The following MAK variants were observed in gnomAD, a reference collection of about 807,000 sequenced individuals.
MAK encodes serine/threonine-protein kinase MAK.
In MAK, 65 loss-of-function variants were observed where a neutral mutation model predicts 82.6. The ratio of observed to expected loss-of-function variants is 0.79; its 90% CI spans 0.64 to 0.97. The LOEUF is 0.97. Ranked by LOEUF, MAK falls within the 50% of genes least tolerant of loss-of-function variation. MAK has a pLI of 0.00. For missense variants in MAK, 703 were observed against 780.2 expected (o/e 0.90, Z 1.18); for synonymous variants, 250 against 274.2 (o/e 0.91, Z 0.87).
intron 10 of MAK, chr6:10,784,968 G>T (rs1271197376): frequency 2.2e-6 from 1 of 458,708 alleles, no homozygotes; most frequent in Middle Eastern, 3.2e-4. Context: ...GGCATGGTTT[G>T]GATGGCCTAA....
intron 2 of MAK, among the ~76,000 whole-genome samples, chr6:10,828,773 C>T (rs536702749): frequency 6.6e-6 from 1 of 151,662 alleles, no homozygotes; most frequent in Non-Finnish European, 1.5e-5. Flanking sequence ...TCAGCCTGGG[C>T]GACAGAATGG....
chr6:10,795,587 A>AC (rs1775471633), intron 9 of MAK, among the ~76,000 whole-genome samples: 1 of 152,056 alleles, frequency 6.6e-6, no homozygotes, highest in Non-Finnish European at 1.5e-5. Context: ...TACTAAAAAT[A>AC]CAAAAAAATA....
rs1431437539 is a variant in MAK, at chr6:10,803,708, A to G, written c.663+12T>C. ...TCAAAAGTTATAGCAACTTAGGGAC[A>G]AGAGTACTTACTTTTTTGGGAGTCC... is the stretch of plus-strand genomic sequence containing the variant. On this transcript the variant is annotated intron_variant, in intron 7 of 14. Transcript: ENST00000354489. The G allele has an allele frequency of 6.2e-7, 1 of 1,609,206 alleles. No individual in the cohort carries two copies. Among genetic ancestry groups the G allele is most frequent in the Non-Finnish European group, 8.5e-7 (1 of 1,175,470 alleles).
At chr6:10,789,704 C>G (rs1417417337) in intron 10 of MAK, among the ~76,000 whole-genome samples, 3 of 152,216 alleles carry the variant, frequency 2.0e-5, no homozygotes, top group Non-Finnish European at 4.4e-5. Flanking sequence ...CTCACTCAGG[C>G]TGGAGTGCAG....
chr6:10,766,115 G>A (rs1163504543), intron 14 of MAK, among the ~76,000 whole-genome samples: 1 of 152,140 alleles, frequency 6.6e-6, no homozygotes, highest in Admixed American at 6.5e-5. Flanking sequence ...TTTTCCATCT[G>A]GGGTTTAAAT....
At chr6:10,820,800 C>CT (rs1180402981) in intron 2 of MAK, among the ~76,000 whole-genome samples, 1 of 152,056 alleles carries the variant, frequency 6.6e-6, no homozygotes, top group Admixed American at 6.6e-5. Flanking sequence ...TATAAAATGT[C>CT]TTGCTAAAAT....
intron 5 of MAK, among the ~76,000 whole-genome samples, chr6:10,811,072 C>T (rs1392931214): frequency 2.0e-5 from 3 of 152,204 alleles, no homozygotes; most frequent in Non-Finnish European, 4.4e-5. Flanking sequence ...GATCTCAGCT[C>T]ACTGTAATCT....
chr6:10,781,794 T>G (rs1773992135), intron 11 of MAK, among the ~76,000 whole-genome samples: 1 of 152,164 alleles, frequency 6.6e-6, no homozygotes, highest in South Asian at 2.1e-4. Context: ...TGTATACATT[T>G]TTTCATCTGT....
intron 5 of MAK, among the ~76,000 whole-genome samples, chr6:10,813,013 C>T (rs547636612): frequency 3.3e-4 from 46 of 138,326 alleles, no homozygotes; most frequent in South Asian, 2.9e-3. Context: ...GATCCCCCCC[C>T]CCGCCTCGGC....
chr6:10,809,007 T>C (rs1776716573), intron 5 of MAK, 65 bp from the exon 6 acceptor site: 1 of 1,379,364 alleles, frequency 7.2e-7, no homozygotes, highest in Non-Finnish European at 1.0e-6. Context: ...CTTTATTTGA[T>C]TTATAAACAA....
intron 8 of MAK, among the ~76,000 whole-genome samples, chr6:10,796,899 G>T (rs147261199): frequency 4.2e-4 from 64 of 151,476 alleles, no homozygotes; most frequent in Non-Finnish European, 7.5e-4. Context: ...TTTATTTAAA[G>T]ATTTGTTAGT....
At chr6:10,770,700 C>T (rs1381916066) in intron 13 of MAK, among the ~76,000 whole-genome samples, 1 of 152,162 alleles carries the variant, frequency 6.6e-6, no homozygotes, top group Non-Finnish European at 1.5e-5. Flanking sequence ...CTTCAGAGCA[C>T]GTGGCATAGA....
chr6:10,796,260 G>C lies in MAK; in HGVS notation c.881C>G (p.Ser294Ter), dbSNP rs761959677. 6.2e-7 allele frequency: 1 copy of C among 1,614,114 alleles called. No homozygotes were observed. The highest frequency in any genetic ancestry group is 1.1e-5 in the South Asian group (1 of 91,074). Residue 294 changes from serine to a stop codon, truncating the protein, a stop_gained, in exon 9 of 15, where the codon TCA becomes TGA. Transcript: ENST00000354489. LOFTEE classifies it high-confidence loss of function. ...AGACTGTTTTGATTCCAGATGATTT[G>C]ACGAAGGGCCTAATACCTGACCAAC... ...FQVGQVLGPS[S>*]NHLESKQSLN...
chr6:10,792,217 G>C (rs1410814136), intron 9 of MAK, among the ~76,000 whole-genome samples: 2 of 152,178 alleles, frequency 1.3e-5, no homozygotes, highest in African/African-American at 4.8e-5. Flanking sequence ...GCCTTAATGA[G>C]AAGGACACTA....
chr6:10,836,326 A>G (rs760845873), intron 1 of MAK, among the ~76,000 whole-genome samples: 5 of 152,326 alleles, frequency 3.3e-5, no homozygotes, highest in Non-Finnish European at 5.9e-5. Flanking sequence ...AAAACTTTGG[A>G]AAGGCTTCTT....
At chr6:10,780,222 C>T (rs1773836182) in intron 11 of MAK, 1 of 968,882 alleles carries the variant, frequency 1.0e-6, no homozygotes, top group Admixed American at 6.2e-5. Flanking sequence ...TCAATTATAG[C>T]CATCCTTCTG....
intron 14 of MAK, 132 bp downstream of exon 14, chr6:10,769,979 C>G: frequency 6.5e-7 from 1 of 1,543,300 alleles, no homozygotes; most frequent in East Asian, 2.3e-5. Context: ...TCGGTAAAAA[C>G]AAAAAGAAAT....
Position 10,770,002 on chromosome 6 carries a change from T to C in MAK, c.1792+109A>G, listed in dbSNP as rs991944652. On this transcript the variant is annotated intron_variant, in intron 14 of 14. Coordinates refer to ENST00000354489, the MANE Select transcript of MAK (RefSeq NM_001242957.3). ...AACAAAAAGAAATGCGTTAATGAGGTGAGGCTGACTAAAAGTCTTCGCTTG... is the reference window on the plus strand; with the variant it reads ...AACAAAAAGAAATGCGTTAATGAGGCGAGGCTGACTAAAAGTCTTCGCTTG... 34 of 1,598,038 alleles carry C rather than the reference T, an allele frequency of 2.1e-5. No individual in the cohort carries two copies. In the African/African-American group the frequency reaches 4.6e-4, roughly 21 times the overall value.
intron 10 of MAK, 83 bp downstream of exon 10, chr6:10,791,592 G>T: frequency 2.3e-6 from 3 of 1,292,462 alleles, no homozygotes; most frequent in South Asian, 1.2e-5. Context: ...TCTTCTTTTA[G>T]GGTCTACATG....
Sources: allele counts gnomAD v4.1 joint callset (sites outside exome capture counted in the v4.1 genomes callset), GRCh38; gene constraint gnomAD v4.1.1; transcripts MANE v1.5; gene names NCBI Gene and HGNC (gene_info 2026-07-23, HGNC 2026-07-21).